The following CTNND2 variants were observed in gnomAD, a reference collection of about 807,000 sequenced individuals.
The protein encoded by CTNND2 is catenin delta 2.
A neutral mutation model predicts 144.4 loss-of-function variants in CTNND2; 22 were observed. That is an observed-to-expected ratio of 0.15 (90% CI 0.11 to 0.22). The LOEUF is 0.22. CTNND2 is among the 10% of genes least tolerant of loss of function. CTNND2 has a pLI of 1.00. For synonymous variants in CTNND2, 751 were observed against 695.6 expected (o/e 1.08, Z -1.25); for missense variants, 1,353 against 1,618.8 (o/e 0.84, Z 2.82).
chr5:11,307,000 C>G (rs1301588689), intron 9 of CTNND2, among the ~76,000 whole-genome samples: 2 of 152,080 alleles, frequency 1.3e-5, no homozygotes, highest in African/African-American at 4.8e-5. Flanking sequence ...TACCAACATC[C>G]TAGGGGTGCA....
chr5:11,651,950 G>A (rs557439697), intron 2 of CTNND2, among the ~76,000 whole-genome samples: 34 of 152,242 alleles, frequency 2.2e-4, no homozygotes, highest in African/African-American at 2.9e-4. Flanking sequence ...ACTTTGGACC[G>A]TGAACTTCTG....
intron 12 of CTNND2, among the ~76,000 whole-genome samples, chr5:11,126,220 G>C (rs1754657636): frequency 6.6e-6 from 1 of 152,182 alleles, no homozygotes; most frequent in Non-Finnish European, 1.5e-5. Flanking sequence ...AGAATTGCTT[G>C]AACCCGGGAT....
At chr5:11,633,057 G>A (rs1781494252) in intron 2 of CTNND2, among the ~76,000 whole-genome samples, 1 of 152,094 alleles carries the variant, frequency 6.6e-6, no homozygotes, top group South Asian at 2.1e-4. Context: ...AGACAGGAGA[G>A]ATAGAGAGAA....
chr5:11,221,257 A>G (rs985687577), intron 10 of CTNND2, among the ~76,000 whole-genome samples: 14 of 152,232 alleles, frequency 9.2e-5, no homozygotes, highest in African/African-American at 2.7e-4. Flanking sequence ...TGGTCAAGCC[A>G]GAAATTTGCA....
chr5:11,723,681 C>T (rs1230273509), intron 2 of CTNND2, among the ~76,000 whole-genome samples: 1 of 152,176 alleles, frequency 6.6e-6, no homozygotes, highest in Non-Finnish European at 1.5e-5. Context: ...GGCACTGCTC[C>T]AAGAGCTGGT....
chr5:11,894,296 T>C (rs981445630), intron 1 of CTNND2, among the ~76,000 whole-genome samples: 1 of 152,050 alleles, frequency 6.6e-6, no homozygotes, highest in Non-Finnish European at 1.5e-5. Context: ...GCAGCAAATA[T>C]CTGCACCACA....
intron 2 of CTNND2, among the ~76,000 whole-genome samples, chr5:11,641,621 T>TATATAC (rs1782013419): frequency 1.4e-5 from 2 of 147,904 alleles, no homozygotes; most frequent in African/African-American, 5.1e-5. Flanking sequence ...TACGTGTGTG[T>TATATAC]ATACATATAC....
intron 2 of CTNND2, among the ~76,000 whole-genome samples, chr5:11,625,654 G>T (rs1781117681): frequency 6.6e-6 from 1 of 152,018 alleles, no homozygotes; most frequent in Admixed American, 6.6e-5. Context: ...TCAAATAACA[G>T]TTGGAAAAAT....
intron 1 of CTNND2, among the ~76,000 whole-genome samples, chr5:11,864,598 A>C (rs1795653631): frequency 6.6e-6 from 1 of 152,136 alleles, no homozygotes; most frequent in Non-Finnish European, 1.5e-5. Context: ...TGTCTGGTGT[A>C]AGGCAGGCTT....
At chr5:11,231,601 A>T (rs1326276073) in intron 10 of CTNND2, among the ~76,000 whole-genome samples, 3 of 152,218 alleles carry the variant, frequency 2.0e-5, no homozygotes, top group Non-Finnish European at 4.4e-5. Context: ...GATTTAGGTT[A>T]TGTGGCAGAA....
intron 1 of CTNND2, among the ~76,000 whole-genome samples, chr5:11,859,829 C>T (rs1260815708): frequency 3.3e-5 from 5 of 152,068 alleles, no homozygotes; most frequent in African/African-American, 1.2e-4. Flanking sequence ...ACTCTGAGCA[C>T]CACAAGGGCA....
intron 16 of CTNND2, among the ~76,000 whole-genome samples, chr5:11,051,878 A>G (rs2149583273): frequency 6.6e-6 from 1 of 152,334 alleles, no homozygotes; most frequent in South Asian, 2.1e-4. Context: ...TGATTTTAAA[A>G]ATACTAAATT....
intron 12 of CTNND2, among the ~76,000 whole-genome samples, chr5:11,151,500 C>A (rs747787841): frequency 1.4e-4 from 22 of 152,238 alleles, no homozygotes; most frequent in Non-Finnish European, 2.5e-4. Context: ...CATTGAATTT[C>A]TTTTAAAGTG....
intron 16 of CTNND2, among the ~76,000 whole-genome samples, chr5:11,049,544 C>T (rs898854213): frequency 3.3e-5 from 5 of 152,176 alleles, no homozygotes; most frequent in African/African-American, 1.2e-4. Context: ...TCACCCTCCC[C>T]ACGGATACCC....
intron 1 of CTNND2, among the ~76,000 whole-genome samples, chr5:11,808,449 CT>C (rs1023329655): frequency 2.0e-5 from 3 of 152,192 alleles, no homozygotes; most frequent in African/African-American, 7.2e-5. Flanking sequence ...CCAACTTTCT[CT>C]GGGAATTCTT....
intron 9 of CTNND2, among the ~76,000 whole-genome samples, chr5:11,291,017 A>C (rs1296065215): frequency 6.6e-6 from 1 of 152,080 alleles, no homozygotes; most frequent in East Asian, 1.9e-4. Flanking sequence ...GGAGAGAGGG[A>C]AATCAGATAC....
intron 3 of CTNND2, among the ~76,000 whole-genome samples, chr5:11,536,528 T>C (rs1774231795): frequency 6.6e-6 from 1 of 152,186 alleles, no homozygotes; most frequent in Non-Finnish European, 1.5e-5. Context: ...ATATTTACCA[T>C]GAAATACTAC....
At chr5:11,053,687 A>G (rs941066209) in intron 16 of CTNND2, among the ~76,000 whole-genome samples, 1 of 152,200 alleles carries the variant, frequency 6.6e-6, no homozygotes. Flanking sequence ...TTATTTTGGT[A>G]ATTAAAGCTT....
intron 6 of CTNND2, among the ~76,000 whole-genome samples, chr5:11,396,183 A>G (rs1051530450): frequency 6.6e-6 from 1 of 152,222 alleles, no homozygotes; most frequent in Non-Finnish European, 1.5e-5. Context: ...TCTTCATTCC[A>G]GAAGCAAAAA....
Sources: gnomAD v4.1 joint callset for allele counts (sites outside exome capture counted in the v4.1 genomes callset) on GRCh38, gnomAD v4.1.1 for gene constraint, MANE v1.5 for transcripts, NCBI Gene and HGNC (gene_info 2026-07-23, HGNC 2026-07-21) for gene names.